The following KDM1A variants were observed in gnomAD, a reference collection of about 807,000 sequenced individuals.
KDM1A encodes lysine-specific histone demethylase 1A.
Under a neutral mutation model 109.4 loss-of-function variants are expected in KDM1A, and 49 were observed. The observed-to-expected ratio is 0.45, with a 90% CI of 0.36 to 0.57. The LOEUF is 0.57. Among genes scored for constraint, KDM1A ranks in the 20% least tolerant of loss-of-function variants. The pLI, the probability that KDM1A is intolerant of heterozygous loss-of-function variation, is 0.00. For missense variants in KDM1A, 668 were observed against 1,116.6 expected, an observed-to-expected ratio of 0.60 and a Z score of 5.73; for synonymous variants, 380 against 415.4, an observed-to-expected ratio of 0.91 and a Z score of 1.04.
At position 23,071,614 on chromosome 1, in the gene KDM1A, A is replaced by G. The variant is rs117880319; in HGVS notation, c.1548+255A>G. Among the ~76,000 whole-genome samples the G allele has an allele frequency of 2.0e-3, 308 of 152,306 alleles. 5 individuals are homozygous for G. The East Asian group carries it at 0.046, about 23-fold the overall frequency. ...AATCTCAATTTAGCCCTAACAGTTT[A>G]GAGTAAGAGTATTAAACATGGACTT... On this transcript the variant is annotated intron_variant, in intron 13 of 20. Transcript: ENST00000400181.
intron 1 of KDM1A, 32 bp from the exon 2 acceptor site, chr1:23,030,437 A>G (rs756077324): frequency 5.5e-6 from 8 of 1,447,122 alleles, no homozygotes; most frequent in Non-Finnish European, 7.3e-6. Flanking sequence ...TGTTCACTGC[A>G]TTTAGCTTTC....
chr1:23,082,086 T>C lies in KDM1A; in HGVS notation c.2299-134T>C, dbSNP rs899980227. The C allele has an allele frequency of 4.5e-6, 4 of 882,064 alleles. No homozygotes were observed. In the African/African-American group the frequency reaches 6.7e-5, roughly 15 times the overall value. The allele number at this position is 882,064 out of a possible 1,614,324, so 54.6% of individuals were successfully genotyped here. A position where few individuals can be genotyped will look rare whatever the true frequency, so the allele number is the denominator to read the frequency against. ...GTGTTTTAAAGCAGGCATTCATCACTTGATCACTGGCTCTCACATGTTGCC... is the reference window on the plus strand; with the variant it reads ...GTGTTTTAAAGCAGGCATTCATCACCTGATCACTGGCTCTCACATGTTGCC... On this transcript the variant is annotated intron_variant, in intron 19 of 20. Transcript: ENST00000400181.
intron 2 of KDM1A, among the ~76,000 whole-genome samples, chr1:23,034,016 T>C (rs1642068800): frequency 6.6e-6 from 1 of 152,232 alleles, no homozygotes; most frequent in Non-Finnish European, 1.5e-5. Flanking sequence ...TGGGTGTTTT[T>C]GTCTGATTGC....
rs868211987 is a variant in KDM1A, at chr1:23,061,157, G to A, written c.1167+1990G>A. 2.6e-5 allele frequency among the ~76,000 whole-genome samples: 4 copies of A among 152,140 alleles called. No individual in the cohort carries two copies. In the South Asian group the frequency reaches 6.2e-4, roughly 24 times the overall value. The stretch of plus-strand genomic sequence containing the variant: ...CTGTACCACTGTTGTCCTCAGGTGG[G>A]GCCTGCACTGGCTGCCAGTCTGTGA... On this transcript the variant is annotated intron_variant, in intron 9 of 20. Coordinates refer to ENST00000400181, the MANE Select transcript of KDM1A (RefSeq NM_001009999.3).
intron 18 of KDM1A, 28 bp from the exon 19 acceptor site, chr1:23,081,418 C>A (rs777070713): frequency 1.2e-6 from 2 of 1,612,912 alleles, no homozygotes; most frequent in East Asian, 4.5e-5. Flanking sequence ...GTAGGAAAAC[C>A]CTAGAATTAT....
chr1:23,041,437 T>G (rs80254562), intron 2 of KDM1A, among the ~76,000 whole-genome samples: 2 of 18,858 alleles, frequency 1.1e-4, no homozygotes, highest in Non-Finnish European at 4.3e-4. Context: ...TTTTCTTGCT[T>G]TTTTTTTTTT....
intron 14 of KDM1A, among the ~76,000 whole-genome samples, chr1:23,072,710 A>G (rs996831793): frequency 1.3e-5 from 2 of 152,108 alleles, no homozygotes; most frequent in Admixed American, 6.6e-5. Flanking sequence ...CAATGATGTG[A>G]TCTCAGCTCA....
At position 23,030,584 on chromosome 1, in the gene KDM1A, C is replaced by G; in HGVS notation, c.467C>G (p.Pro156Arg). 1.9e-6 allele frequency: 3 copies of G among 1,607,432 alleles called. No homozygotes were observed. Among genetic ancestry groups the G allele is most frequent in the Non-Finnish European group, 2.5e-6 (3 of 1,178,204 alleles). ...GAAAAGAAGCTTCCCCCACCACCCC[C>G]TCAAGCCCCACCTGAGGAAGAAAAT... ...EKEKKLPPPP[P>R]QAPPEEENES... The change falls in exon 2 of 21, where the codon CCT becomes CGT. Residue 156 changes from proline to arginine, a missense_variant. Physicochemically the swap from Pro to Arg is moderately radical, Grantham distance 103. This residue lies in a region of KDM1A where 149 missense variants were observed against 189.7 expected (regional missense o/e 0.79). Coordinates refer to ENST00000400181, the MANE Select transcript of KDM1A (RefSeq NM_001009999.3).
chr1:23,039,860 C>T (rs1341900191), intron 2 of KDM1A, among the ~76,000 whole-genome samples: 2 of 152,178 alleles, frequency 1.3e-5, no homozygotes, highest in Non-Finnish European at 2.9e-5. Flanking sequence ...AGATTATAAG[C>T]TTTTTGAAAA....
intron 12 of KDM1A, among the ~76,000 whole-genome samples, chr1:23,069,587 G>A (rs753941707): frequency 2.6e-5 from 4 of 152,200 alleles, no homozygotes; most frequent in Non-Finnish European, 5.9e-5. Context: ...CCTGGGCCAC[G>A]AGTTGGACAA....
At chr1:23,047,709 T>C (rs1192890028) in intron 3 of KDM1A, among the ~76,000 whole-genome samples, 2 of 152,102 alleles carry the variant, frequency 1.3e-5, no homozygotes, top group African/African-American at 4.8e-5. Flanking sequence ...GAGACCAGCC[T>C]GGGCAACATG....
At chr1:23,063,196 TGG>T (rs369708466) in intron 9 of KDM1A, among the ~76,000 whole-genome samples, 2 of 39,378 alleles carry the variant, frequency 5.1e-5, no homozygotes, top group African/African-American at 1.4e-4. Flanking sequence ...GCTGTAGCAT[TGG>T]GGGGGGGGTG....
At chr1:23,042,440 A>ATTAT (rs1553127465) in intron 2 of KDM1A, among the ~76,000 whole-genome samples, 2 of 21,560 alleles carry the variant, frequency 9.3e-5, no homozygotes, top group South Asian at 1.3e-3. Context: ...GAAATATATT[A>ATTAT]TTTTTTTTTT....
At chr1:23,023,416 C>T (rs909020080) in intron 1 of KDM1A, among the ~76,000 whole-genome samples, 1 of 152,110 alleles carries the variant, frequency 6.6e-6, no homozygotes, top group Non-Finnish European at 1.5e-5. Flanking sequence ...GGTTCAGTTT[C>T]ATTATTTTGC....
intron 2 of KDM1A, among the ~76,000 whole-genome samples, chr1:23,036,721 A>G (rs1017128951): frequency 6.6e-6 from 1 of 152,284 alleles, no homozygotes; most frequent in Non-Finnish European, 1.5e-5. Context: ...ATGGAAAGCA[A>G]AAAACTCTTA....
intron 2 of KDM1A, among the ~76,000 whole-genome samples, chr1:23,042,744 GC>G (rs1054996406): frequency 2.9e-5 from 4 of 138,672 alleles, no homozygotes; most frequent in African/African-American, 1.1e-4. Context: ...GAGCCACCGC[GC>G]CCGGCCTATT....
chr1:23,082,132 T>C (rs1487973420), intron 19 of KDM1A, 88 bp from the exon 20 acceptor site: 1 of 1,425,102 alleles, frequency 7.0e-7, no homozygotes, highest in Non-Finnish European at 9.7e-7. Flanking sequence ...TTCACTTGCA[T>C]CTCCACCCAC....
intron 2 of KDM1A, among the ~76,000 whole-genome samples, chr1:23,039,385 T>C (rs1264695283): frequency 6.6e-6 from 1 of 152,230 alleles, no homozygotes; most frequent in Non-Finnish European, 1.5e-5. Flanking sequence ...TTTCAACTTG[T>C]ATGTAAATTA....
Position 23,050,428 on chromosome 1 carries a change from C to G in KDM1A, c.619C>G (p.Arg207Gly). ...AAFQSRLPHD[R>G]MTSQEAACFP... The stretch of plus-strand genomic sequence containing the variant: ...TTTCCAGAGCCGACTTCCTCATGAC[C>G]GGATGACTTCTCAAGAAGCAGCCTG... Residue 207 changes from arginine to glycine, a missense_variant, in exon 4 of 21, where the codon CGG (arginine) becomes GGG (glycine). Physicochemically the swap from Arg to Gly is moderately radical, Grantham distance 125. Transcript: ENST00000400181. 3.7e-6 allele frequency: 6 copies of G among 1,613,520 alleles called. No individual in the cohort carries two copies. Among genetic ancestry groups the G allele is most frequent in the Non-Finnish European group, 5.1e-6 (6 of 1,179,696 alleles).
Sources: gnomAD v4.1 joint callset for allele counts (sites outside exome capture counted in the v4.1 genomes callset) on GRCh38, gnomAD v4.1.1 for gene constraint, gnomAD v4.1.1 regional missense constraint, MANE v1.5 for transcripts, NCBI Gene and HGNC (gene_info 2026-07-23, HGNC 2026-07-21) for gene names.